MUC3A: variants seen among roughly 807,000 people sequenced by gnomAD.
MUC3A encodes the protein mucin 3A, cell surface associated.
In MUC3A, 109 loss-of-function variants were observed where a neutral mutation model predicts 109.0. That is an observed-to-expected ratio of 1.00 (90% confidence interval 0.86 to 1.17). The LOEUF is 1.17. Ranked by LOEUF, MUC3A falls within the 50% of genes most tolerant of loss-of-function variation. The pLI, the probability that MUC3A is intolerant of heterozygous loss-of-function variation, is 0.00. For missense variants in MUC3A, 3,537 were observed against 2,469.4 expected (o/e 1.43, Z -9.16); for synonymous variants, 1,398 against 981.4 (o/e 1.42, Z -7.93).
chr7:100,960,373 G>C lies in MUC3A; in HGVS notation c.8594G>C (p.Arg2865Pro). Reference sequence around the variant, plus strand: ...ACAAACACAGTTTTCACAAGTACTCGACTGCCCACCAGTGAGACCTGGCTG... The same window carrying C: ...ACAAACACAGTTTTCACAAGTACTCCACTGCCCACCAGTGAGACCTGGCTG... The part of the protein sequence containing the change: ...VPTNTVFTST[R>P]LPTSETWLSN... Residue 2865 changes from arginine (R) to proline (P), a missense_variant, in exon 2 of 12, where the codon CGA becomes CCA. Arg to Pro is a moderately radical substitution (Grantham distance 103). Transcript: ENST00000379458. 6.3e-7 allele frequency: 1 copy of C among 1,598,548 alleles called. No homozygotes were observed. Among genetic ancestry groups the C allele is most frequent in the Non-Finnish European group, 8.5e-7 (1 of 1,179,834 alleles).
Position 100,957,917 on chromosome 7 carries a change from G to C in MUC3A, c.6138G>C (p.Ser2046=), listed in dbSNP as rs1376164015. The C allele has an allele frequency of 1.0e-5, 1 of 97,720 alleles. No homozygotes were observed. Among genetic ancestry groups the C allele is most frequent in the South Asian group, 1.1e-4 (1 of 8,870 alleles). 6.1% of individuals were successfully genotyped at this position (97,720 alleles called of 1,614,324 possible). A position where few individuals can be genotyped will look rare whatever the true frequency, so the allele number is the denominator to read the frequency against. The change falls in exon 2 of 12, where the codon TCG becomes TCC. Residue 2046 remains serine (S), a synonymous_variant. Transcript: ENST00000379458. Reference sequence around the variant, plus strand: ...ATAGTACTCCCAGCTTCACTTCTTCGATCACCACCGAGACCACATCCCACA... The same window carrying C: ...ATAGTACTCCCAGCTTCACTTCTTCCATCACCACCGAGACCACATCCCACA... ...TSHSTPSFTS[S]ITTETTSHST...
chr7:100,960,533 G>T lies in MUC3A; in HGVS notation c.8754G>T (p.Arg2918Ser). 1 of 1,598,730 alleles carries T rather than the reference G, an allele frequency of 6.3e-7. No individual in the cohort carries two copies. Among genetic ancestry groups the T allele is most frequent in the Non-Finnish European group, 8.5e-7 (1 of 1,179,816 alleles). Reference protein sequence around the residue: ...KSTHPSPPTTRTSETPVATTQ... With the variant: ...KSTHPSPPTTSTSETPVATTQ... Reference sequence around the variant, plus strand: ...CACACCCCTCCCCACCCACCACTAGGACTTCAGAGACACCAGTGGCCACTA... The same window carrying T: ...CACACCCCTCCCCACCCACCACTAGTACTTCAGAGACACCAGTGGCCACTA... Residue 2918 changes from arginine (R) to serine (S), a missense_variant, in exon 2 of 12, where the codon AGG (arginine) becomes AGT (serine). Physicochemically the swap from Arg to Ser is moderately radical, Grantham distance 110. Transcript: ENST00000379458.
chr7:100,967,035 G>A lies in MUC3A; in HGVS notation c.9930+84G>A. 1.9e-6 allele frequency: 3 copies of A among 1,598,490 alleles called. No individual in the cohort carries two copies. The South Asian group carries it at 3.3e-5, about 18-fold the overall frequency. The stretch of plus-strand genomic sequence containing the variant: ...TCCCCGACCCCCACCAGGGCAGGGA[G>A]GGGGCTGGGCTCGGATCAGCAGTGA... On this transcript the variant is annotated intron_variant, in intron 11 of 11. Transcript: ENST00000379458.
At chr7:100,966,070 C>T (rs1314161650) in intron 8 of MUC3A, 2 of 491,060 alleles carry the variant, frequency 4.1e-6, no homozygotes, top group Non-Finnish European at 2.9e-6. Flanking sequence ...TGAGTCCTGT[C>T]CCCTAATTCT....
rs1487347274 is a variant in MUC3A, at chr7:100,964,751, A to C, written c.9290A>C (p.Gln3097Pro). Residue 3097 changes from glutamine (Q) to proline (P), a missense_variant, in exon 6 of 12, where the codon CAG becomes CCG. By Grantham distance (76) the Gln-to-Pro change is moderately conservative (BLOSUM62 -1). Coordinates refer to ENST00000379458, the MANE Select transcript of MUC3A (RefSeq NM_005960.2). Reference protein sequence around the residue: ...LVLLEMPFSPQLESEYEQVKT... With the variant: ...LVLLEMPFSPPLESEYEQVKT... The stretch of plus-strand genomic sequence containing the variant: ...CTGCTGGAGATGCCCTTCAGCCCCC[A>C]GCTGGAGAGCGAGTATGAGCAGGTG... 1 of 1,598,398 alleles carries C rather than the reference A, an allele frequency of 6.3e-7. No homozygotes were observed. The highest frequency in any genetic ancestry group is 8.5e-7 in the Non-Finnish European group (1 of 1,179,810).
rs891279536 is a variant in MUC3A, at chr7:100,955,282, C to T, written c.3503C>T (p.Thr1168Ile). The T allele has an allele frequency of 1.6e-5, 12 of 764,458 alleles. No homozygotes were observed. Among genetic ancestry groups the T allele is most frequent in the Non-Finnish European group, 2.9e-5 (12 of 417,720 alleles). The allele number at this position is 764,458 out of a possible 1,614,324, so 47.4% of individuals were successfully genotyped here. A position where few individuals can be genotyped will look rare whatever the true frequency, so the allele number is the denominator to read the frequency against. ...TACTCCACAGTCAGCACATCCACAA[C>T]TGCCATCTCCTCAGCTTCCCCTACC... The part of the protein sequence containing the change: ...TIYSTVSTST[T>I]AISSASPTSG... The change falls in exon 2 of 12, where the codon ACT becomes ATT. Residue 1168 changes from threonine (T) to isoleucine (I), a missense_variant. Coordinates refer to ENST00000379458, the MANE Select transcript of MUC3A (RefSeq NM_005960.2).
chr7:100,966,857 C>G (rs756505447), intron 10 of MUC3A, 42 bp from the exon 11 acceptor site: 1 of 1,598,448 alleles, frequency 6.3e-7, no homozygotes, highest in Non-Finnish European at 8.5e-7. Flanking sequence ...CTTCCGTCCC[C>G]TCCCTCTCCC....
At chr7:100,964,550 T>C in intron 5 of MUC3A, 145 bp from the exon 6 acceptor site, 1 of 1,344,020 alleles carries the variant, frequency 7.4e-7, no homozygotes, top group African/African-American at 1.5e-5. Context: ...GGCAGCCCCT[T>C]CTGAAAAGGA....
chr7:100,963,074 G>C (rs1792392906), intron 3 of MUC3A, 77 bp from the exon 4 acceptor site: 4 of 1,497,094 alleles, frequency 2.7e-6, no homozygotes, highest in Non-Finnish European at 2.7e-6. Context: ...AGGAGCCTGT[G>C]GGTTGGGGTG....
At position 100,954,081 on chromosome 7, in the gene MUC3A, A is replaced by G; in HGVS notation, c.2302A>G (p.Lys768Glu). Residue 768 changes from lysine (K) to glutamate (E), a missense_variant, in exon 2 of 12, where the codon AAG (lysine) becomes GAG (glutamate). Transcript: ENST00000379458. Reference sequence around the variant, plus strand: ...CACAAACTTGGTAACCACCACCACCAAGACCACCTCACATAGTACCACCAG... The same window carrying G: ...CACAAACTTGGTAACCACCACCACCGAGACCACCTCACATAGTACCACCAG... ...PTTNLVTTTT[K>E]TTSHSTTSFT... The G allele has an allele frequency of 1.8e-6, 1 of 550,968 alleles. No individual in the cohort carries two copies. The highest frequency in any genetic ancestry group is 2.9e-5 in the Admixed American group (1 of 34,286). 34.1% of individuals were successfully genotyped at this position (550,968 alleles called of 1,614,324 possible). A position where few individuals can be genotyped will look rare whatever the true frequency, so the allele number is the denominator to read the frequency against.
In MUC3A at chr7:100,954,957, A is replaced by G; in HGVS notation, c.3178A>G (p.Thr1060Ala). Residue 1060 changes from threonine to alanine, a missense_variant, in exon 2 of 12, where the codon ACA (threonine) becomes GCA (alanine). Coordinates refer to ENST00000379458, the MANE Select transcript of MUC3A (RefSeq NM_005960.2). ...CACAGAAATGATCACCAGTCATACC[A>G]CAAACACCACCCCTCTATCCACCTT... Reference protein sequence around the residue: ...PSTEMITSHTTNTTPLSTLVT... With the variant: ...PSTEMITSHTANTTPLSTLVT... 1 of 551,336 alleles carries G rather than the reference A, an allele frequency of 1.8e-6. No individual in the cohort carries two copies. The highest frequency in any genetic ancestry group is 3.2e-6 in the Non-Finnish European group (1 of 313,216). 34.2% of individuals were successfully genotyped at this position (551,336 alleles called of 1,614,324 possible).
In MUC3A at chr7:100,962,092, C is replaced by T. The variant is rs1792348589; in HGVS notation, c.9053-1059C>T. Reference sequence around the variant, plus strand: ...CTAAAAATACAAAAAATTAGCCGGGCGTAGTGGCGGGCGCCTGTAGTCCCA... The same window carrying T: ...CTAAAAATACAAAAAATTAGCCGGGTGTAGTGGCGGGCGCCTGTAGTCCCA... On this transcript the variant is annotated intron_variant, in intron 3 of 11. Coordinates refer to ENST00000379458, the MANE Select transcript of MUC3A (RefSeq NM_005960.2). 1.9e-5 allele frequency among the ~76,000 whole-genome samples: 2 copies of T among 103,796 alleles called. 1 individual carries two copies. The highest frequency in any genetic ancestry group is 4.4e-5 in the Non-Finnish European group (2 of 45,658). The allele number at this position is 103,796 out of a possible 152,430, so 68.1% of individuals were successfully genotyped here. A position where few individuals can be genotyped will look rare whatever the true frequency, so the allele number is the denominator to read the frequency against.
At position 100,967,777 on chromosome 7, in the gene MUC3A, TA is replaced by T; in HGVS notation, c.*618del. 1 of 179,774 alleles carries T rather than the reference TA, an allele frequency of 5.6e-6. No individual in the cohort carries two copies. Among genetic ancestry groups the T allele is most frequent in the Non-Finnish European group, 1.2e-5 (1 of 85,200 alleles). The allele number at this position is 179,774 out of a possible 1,614,324, so 11.1% of individuals were successfully genotyped here. ...ATCCTGCACCCCAGTCCCCCAGCCC[TA>T]AATCCTCCCTCCTCTCCTCACATCC... On this transcript the variant is annotated 3_prime_UTR_variant, in exon 12 of 12. Transcript: ENST00000379458.
chr7:100,959,608 C>T lies in MUC3A; in HGVS notation c.7829C>T (p.Thr2610Ile), dbSNP rs752637931. The T allele has an allele frequency of 7.5e-6, 12 of 1,598,028 alleles. No individual in the cohort carries two copies. Among genetic ancestry groups the T allele is most frequent in the African/African-American group, 1.3e-5 (1 of 74,950 alleles). ...TFGSTDSSTS[T>I]LHTLTPSTAL... ...GGAAGTACGGATTCCTCCACGTCCA[C>T]TCTTCATACTCTTACTCCATCAACA... Residue 2610 changes from threonine to isoleucine, a missense_variant, in exon 2 of 12, where the codon ACT (threonine) becomes ATT (isoleucine). Coordinates refer to ENST00000379458, the MANE Select transcript of MUC3A (RefSeq NM_005960.2).
intron 4 of MUC3A, 37 bp downstream of exon 4, chr7:100,963,303 T>TG (rs1554459584): frequency 7.2e-7 from 1 of 1,393,120 alleles, no homozygotes; most frequent in Non-Finnish European, 9.8e-7. Context: ...TTTTTTTTTT[T>TG]GAGGTGTAGT....
Position 100,966,575 on chromosome 7 carries a change from G to A in MUC3A, c.9785+16G>A, listed in dbSNP as rs1241524140. Reference sequence around the variant, plus strand: ...GCCGAGGCCGGTGAGCGTGCGGGGGGCGGGGCCGGGGGGCGAGGGCAGCCA... The same window carrying A: ...GCCGAGGCCGGTGAGCGTGCGGGGGACGGGGCCGGGGGGCGAGGGCAGCCA... On this transcript the variant is annotated intron_variant, in intron 9 of 11. Transcript: ENST00000379458. The A allele has an allele frequency of 5.8e-6, 9 of 1,548,256 alleles. No individual in the cohort carries two copies. Among genetic ancestry groups the A allele is most frequent in the South Asian group, 4.7e-5 (4 of 84,276 alleles).
In MUC3A at chr7:100,959,588, T is replaced by C. The variant is rs1219499471; in HGVS notation, c.7809T>C (p.Ser2603=). 5 of 1,596,580 alleles carry C rather than the reference T, an allele frequency of 3.1e-6. No homozygotes were observed. The South Asian group carries it at 5.5e-5, about 18-fold the overall frequency. ...CACCTACTACTGTCACCTTTGGAAGTACGGATTCCTCCACGTCCACTCTTC... is the reference window on the plus strand; with the variant it reads ...CACCTACTACTGTCACCTTTGGAAGCACGGATTCCTCCACGTCCACTCTTC... ...SPAPTTVTFG[S]TDSSTSTLHT... The change falls in exon 2 of 12, where the codon AGT becomes AGC. Residue 2603 remains serine (S), a synonymous_variant. Coordinates refer to ENST00000379458, the MANE Select transcript of MUC3A (RefSeq NM_005960.2).
At position 100,955,528 on chromosome 7, in the gene MUC3A, C is replaced by T. The variant is rs1415086788; in HGVS notation, c.3749C>T (p.Ser1250Phe). The T allele has an allele frequency of 5.2e-5, 27 of 521,788 alleles. No homozygotes were observed. The East Asian group carries it at 5.4e-4, about 10-fold the overall frequency. 32.3% of individuals were successfully genotyped at this position (521,788 alleles called of 1,614,324 possible). ...SPSIQNTETS[S>F]LVSMTSATTP... ...AGCATCCAGAATACAGAAACCTCAT[C>T]CCTTGTCAGCATGACCTCTGCCACC... The change falls in exon 2 of 12, where the codon TCC becomes TTC. Residue 1250 changes from serine (S) to phenylalanine (F), a missense_variant. Transcript: ENST00000379458.
At position 100,952,263 on chromosome 7, in the gene MUC3A, G is replaced by A. The variant is rs1340652522; in HGVS notation, c.484G>A (p.Val162Met). 6.3e-6 allele frequency: 10 copies of A among 1,598,352 alleles called. No homozygotes were observed. Among genetic ancestry groups the A allele is most frequent in the African/African-American group, 2.7e-5 (2 of 74,950 alleles). The change falls in exon 2 of 12, where the codon GTG (valine) becomes ATG (methionine). Residue 162 changes from valine (V) to methionine (M), a missense_variant. Physicochemically the swap from Val to Met is conservative, Grantham distance 21 (BLOSUM62 1). Transcript: ENST00000379458. ...CACCAGCTCTTACACCTCGACTCCCGTGACACAGAAGCCAGTGACCACCGT... is the reference window on the plus strand; with the variant it reads ...CACCAGCTCTTACACCTCGACTCCCATGACACAGAAGCCAGTGACCACCGT... ...AFTSSYTSTP[V>M]TQKPVTTVTS...
Sources: gnomAD v4.1 joint callset for allele counts (sites outside exome capture counted in the v4.1 genomes callset) on GRCh38, gnomAD v4.1.1 for gene constraint, MANE v1.5 for transcripts, NCBI Gene and HGNC (gene_info 2026-07-23, HGNC 2026-07-21) for gene names.